Variants in MPDZ observed in about 807,000 individuals in gnomAD.
MPDZ encodes the protein multiple PDZ domain protein.
Under a neutral mutation model 239.1 loss-of-function variants are expected in MPDZ, and 234 were observed. The ratio of observed to expected loss-of-function variants is 0.98; its 90% confidence interval spans 0.88 to 1.09. MPDZ has a LOEUF of 1.09. Ranked by LOEUF, MPDZ falls within the 50% of genes least tolerant of loss-of-function variation. The probability of loss-of-function intolerance (pLI) is 0.00; values close to 1 mark genes in which losing one functional copy is unlikely to be tolerated. For missense variants in MPDZ, 3,175 were observed against 2,510.0 expected (o/e 1.26, Z -5.66); for synonymous variants, 1,048 against 881.3 (o/e 1.19, Z -3.35).
intron 23 of MPDZ, among the ~76,000 whole-genome samples, chr9:13,160,874 C>G (rs1368848422): frequency 3.9e-5 from 1 of 25,468 alleles, no homozygotes; most frequent in African/African-American, 1.0e-4. Context: ...ATATATAAAA[C>G]AGGTACTTAC....
At chr9:13,241,740 G>A (rs1965452951) in intron 3 of MPDZ, among the ~76,000 whole-genome samples, 1 of 152,136 alleles carries the variant, frequency 6.6e-6, no homozygotes. Flanking sequence ...ACTCTAAAAT[G>A]ATAAATGTAA....
chr9:13,186,753 T>C (rs1954163783), intron 17 of MPDZ, among the ~76,000 whole-genome samples: 1 of 152,046 alleles, frequency 6.6e-6, no homozygotes, highest in South Asian at 2.1e-4. Context: ...AACAATGACT[T>C]CCTAATATAG....
intron 35 of MPDZ, among the ~76,000 whole-genome samples, chr9:13,123,820 T>G (rs955025472): frequency 6.6e-6 from 1 of 152,224 alleles, no homozygotes; most frequent in Non-Finnish European, 1.5e-5. Flanking sequence ...CTTCTTATCC[T>G]AGAGCATCTC....
chr9:13,250,492 C>G, intron 1 of MPDZ, 120 bp from the exon 2 acceptor site: 1 of 580,734 alleles, frequency 1.7e-6, no homozygotes, highest in Non-Finnish European at 3.0e-6. Flanking sequence ...CTTGTTGATA[C>G]AACTTAAGAT....
Position 13,115,147 on chromosome 9 carries a change from C to T in MPDZ, c.5466+101G>A, listed in dbSNP as rs1943185251. On this transcript the variant is annotated intron_variant, in intron 40 of 46. Coordinates refer to ENST00000319217, the MANE Select transcript of MPDZ (RefSeq NM_001378778.1). The stretch of plus-strand genomic sequence containing the variant: ...GCACCTCAGTCACTATCCCACGCTG[C>T]CAGGGGACCAGACCTTGTACACAGA... The T allele has an allele frequency of 4.2e-6, 4 of 946,928 alleles. No individual in the cohort carries two copies. In the South Asian group the frequency reaches 5.8e-5, roughly 14 times the overall value. 58.7% of individuals were successfully genotyped at this position (946,928 alleles called of 1,614,324 possible).
chr9:13,251,481 A>G (rs541220347), intron 1 of MPDZ, among the ~76,000 whole-genome samples: 86 of 152,322 alleles, frequency 5.6e-4, no homozygotes, highest in African/African-American at 2.0e-3. Context: ...CTGCACAGCT[A>G]TCCCCATAGT....
intron 32 of MPDZ, among the ~76,000 whole-genome samples, chr9:13,130,795 T>C (rs1217193600): frequency 1.3e-5 from 2 of 152,318 alleles, no homozygotes; most frequent in Admixed American, 6.5e-5. Context: ...CAAAACCTTC[T>C]CCATGAGCTC....
At chr9:13,148,529 T>G (rs1016840665) in intron 25 of MPDZ, among the ~76,000 whole-genome samples, 7 of 152,066 alleles carry the variant, frequency 4.6e-5, no homozygotes, top group Non-Finnish European at 1.0e-4. Flanking sequence ...TATATAGATT[T>G]AGATAAAAAC....
intron 45 of MPDZ, among the ~76,000 whole-genome samples, 168 bp downstream of exon 45, chr9:13,109,784 C>A (rs1163532662): frequency 1.3e-5 from 2 of 152,138 alleles, no homozygotes; most frequent in Admixed American, 6.5e-5. Flanking sequence ...AAATCCATGC[C>A]ACAATTATTT....
chr9:13,261,792 G>C (rs1298292278), intron 1 of MPDZ, among the ~76,000 whole-genome samples: 1 of 150,272 alleles, frequency 6.7e-6, no homozygotes, highest in African/African-American at 2.5e-5. Flanking sequence ...AGCATTTTGA[G>C]AAGCCAAGGT....
At chr9:13,204,496 A>G (rs773358905) in intron 12 of MPDZ, among the ~76,000 whole-genome samples, 31 of 152,118 alleles carry the variant, frequency 2.0e-4, no homozygotes, top group African/African-American at 6.0e-4. Flanking sequence ...ATAGTGAGAG[A>G]ATTCCCAGAA....
intron 22 of MPDZ, among the ~76,000 whole-genome samples, chr9:13,163,621 T>C (rs989235587): frequency 1.3e-5 from 2 of 152,144 alleles, no homozygotes; most frequent in African/African-American, 4.8e-5. Flanking sequence ...TGTTTCAAGA[T>C]CTTCAAATTA....
chr9:13,219,210 G>GTTCC (rs1958746488), intron 8 of MPDZ, among the ~76,000 whole-genome samples: 1 of 151,856 alleles, frequency 6.6e-6, no homozygotes, highest in South Asian at 2.1e-4. Flanking sequence ...CCACCTTACA[G>GTTCC]AGAGTCTTCT....
At chr9:13,170,756 A>G (rs1951685625) in intron 21 of MPDZ, among the ~76,000 whole-genome samples, 1 of 152,184 alleles carries the variant, frequency 6.6e-6, no homozygotes, top group South Asian at 2.1e-4. Context: ...TTAATAGCAT[A>G]TTTAACTCAC....
rs1193318612 is a variant in MPDZ, at chr9:13,136,715, ATAAAAAT to A, written c.4282_4288del (p.Ile1428SerfsTer7). 3 of 1,561,498 alleles carry A rather than the reference ATAAAAAT, an allele frequency of 1.9e-6. No individual in the cohort carries two copies. Among genetic ancestry groups the A allele is most frequent in the Non-Finnish European group, 2.6e-6 (3 of 1,141,440 alleles). On this transcript the variant is annotated frameshift_variant, in exon 30 of 47. Coordinates refer to ENST00000319217, the MANE Select transcript of MPDZ (RefSeq NM_001378778.1). LOFTEE classifies it high-confidence loss of function. Reference sequence around the variant, plus strand: ...ACTAGCAAAAGAAAATGATCACCTGATAAAAATTATTTTCACTTTAGAAGGGGCACAT... The same window carrying A: ...ACTAGCAAAAGAAAATGATCACCTGATATTTTCACTTTAGAAGGGGCACAT...
chr9:13,201,465 C>T (rs569538534), intron 12 of MPDZ, among the ~76,000 whole-genome samples: 2 of 151,958 alleles, frequency 1.3e-5, no homozygotes, highest in South Asian at 2.1e-4. Context: ...TGTCTTTCTC[C>T]AGATTTGAGA....
chr9:13,269,627 A>AC (rs1209086992), intron 1 of MPDZ, among the ~76,000 whole-genome samples: 3 of 152,182 alleles, frequency 2.0e-5, no homozygotes, highest in Non-Finnish European at 4.4e-5. Flanking sequence ...TACAAACAAG[A>AC]AAAAAATAAA....
At chr9:13,190,398 C>A in intron 15 of MPDZ, 99 bp from the exon 16 acceptor site, 1 of 1,050,494 alleles carries the variant, frequency 9.5e-7, no homozygotes, top group Non-Finnish European at 1.2e-6. Flanking sequence ...TCTGTCCAAA[C>A]AAAACATCCT....
At chr9:13,257,387 T>C (rs1465419234) in intron 1 of MPDZ, among the ~76,000 whole-genome samples, 3 of 152,062 alleles carry the variant, frequency 2.0e-5, no homozygotes, top group Admixed American at 2.0e-4. Context: ...AGCTAGTAAA[T>C]GGGAGAACTT....
Sources: allele counts gnomAD v4.1 joint callset (sites outside exome capture counted in the v4.1 genomes callset), GRCh38; gene constraint gnomAD v4.1.1; transcripts MANE v1.5; gene names NCBI Gene and HGNC (gene_info 2026-07-23, HGNC 2026-07-21).